Variants in ZNF827 observed in about 807,000 individuals in gnomAD.
The protein encoded by ZNF827 is zinc finger protein 827.
A neutral mutation model predicts 102.4 loss-of-function variants in ZNF827; 13 were observed. The ratio of observed to expected loss-of-function variants is 0.13; its 90% CI spans 0.08 to 0.20. The LOEUF (loss-of-function observed/expected upper bound fraction) is 0.20, where lower values mean the gene tolerates loss of function less well. Ranked by LOEUF, ZNF827 falls within the 10% of genes least tolerant of loss-of-function variation. The pLI is 1.00. For missense variants in ZNF827, 1,103 were observed against 1,344.4 expected (o/e 0.82, Z 2.81); for synonymous variants, 523 against 536.2 (o/e 0.98, Z 0.34).
At position 145,758,054 on chromosome 4, in the gene ZNF827, G is replaced by A. The variant is rs1374065969; in HGVS notation, c.*3562C>T. 1 of 152,022 alleles carries A rather than the reference G, an allele frequency of 6.6e-6. No homozygotes were observed. The highest frequency in any genetic ancestry group is 1.5e-5 in the Non-Finnish European group (1 of 68,000). The allele number at this position is 152,022 out of a possible 1,614,324, so 9.4% of individuals were successfully genotyped here. A position where few individuals can be genotyped will look rare whatever the true frequency, so the allele number is the denominator to read the frequency against. ...ATCAAACTGCAAACCAAATTCAGGG[G>A]TACATATTTTCTAGGGTGGAGTCTG... is the stretch of plus-strand genomic sequence containing the variant. On this transcript the variant is annotated 3_prime_UTR_variant, in exon 15 of 15. Transcript: ENST00000508784.
intron 8 of ZNF827, among the ~76,000 whole-genome samples, chr4:145,817,419 G>A (rs538335488): frequency 6.6e-6 from 1 of 152,270 alleles, no homozygotes; most frequent in African/African-American, 2.4e-5. Context: ...CAGAGACTGG[G>A]TAATTTACGA....
At chr4:145,815,123 T>C (rs1349815948) in intron 8 of ZNF827, among the ~76,000 whole-genome samples, 1 of 152,030 alleles carries the variant, frequency 6.6e-6, no homozygotes, top group Non-Finnish European at 1.5e-5. Flanking sequence ...CTGATTGATG[T>C]TTTTGGAGGA....
intron 5 of ZNF827, among the ~76,000 whole-genome samples, chr4:145,860,351 T>C (rs973384115): frequency 6.6e-6 from 1 of 152,156 alleles, no homozygotes; most frequent in East Asian, 1.9e-4. Flanking sequence ...ATAAACGCCC[T>C]CTACCTCAAA....
chr4:145,766,377 T>C (rs147117673), intron 11 of ZNF827, among the ~76,000 whole-genome samples: 105 of 152,130 alleles, frequency 6.9e-4, no homozygotes, highest in African/African-American at 2.2e-3. Context: ...TCAGACAAAA[T>C]ATACCAAATG....
intron 7 of ZNF827, among the ~76,000 whole-genome samples, chr4:145,841,464 GAA>G (rs1027793303): frequency 2.6e-5 from 4 of 152,146 alleles, no homozygotes; most frequent in Non-Finnish European, 5.9e-5. Context: ...AAAGGAAATA[GAA>G]AAATCAGGAT....
chr4:145,842,613 T>C (rs1745525787), intron 7 of ZNF827, among the ~76,000 whole-genome samples: 1 of 152,218 alleles, frequency 6.6e-6, no homozygotes, highest in South Asian at 2.1e-4. Flanking sequence ...TTCAGTTTTG[T>C]GTCTCTTCTC....
Position 145,817,100 on chromosome 4 carries a change from T to C in ZNF827, c.2383+6322A>G, listed in dbSNP as rs576802348. On this transcript the variant is annotated intron_variant, in intron 8 of 14. Transcript: ENST00000508784. ...ATGAATTTTCACAAAATTACCTATA[T>C]ACATAATGAGTAATCAGATAAAGAA... is the stretch of plus-strand genomic sequence containing the variant. 2.3e-4 allele frequency among the ~76,000 whole-genome samples: 35 copies of C among 152,332 alleles called. No homozygotes were observed. In the South Asian group the frequency reaches 3.3e-3, roughly 14 times the overall value.
chr4:145,857,502 A>T (rs1300802158), intron 5 of ZNF827, among the ~76,000 whole-genome samples: 1 of 152,222 alleles, frequency 6.6e-6, no homozygotes, highest in Non-Finnish European at 1.5e-5. Context: ...ACTCAGTTGG[A>T]TATCTGCAAA....
intron 1 of ZNF827, among the ~76,000 whole-genome samples, chr4:145,913,638 C>T (rs762352788): frequency 6.6e-6 from 1 of 152,048 alleles, no homozygotes; most frequent in African/African-American, 2.4e-5. Context: ...GGTTAGTCCA[C>T]GGATTGATTA....
chr4:145,776,985 A>G (rs1737209383), intron 9 of ZNF827, among the ~76,000 whole-genome samples: 1 of 152,248 alleles, frequency 6.6e-6, no homozygotes, highest in African/African-American at 2.4e-5. Flanking sequence ...GATAAAGGTA[A>G]TAGCAGAAGA....
intron 4 of ZNF827, among the ~76,000 whole-genome samples, chr4:145,885,319 G>A (rs1163710898): frequency 6.6e-6 from 1 of 151,972 alleles, no homozygotes; most frequent in African/African-American, 2.4e-5. Context: ...GTGCAGAAGA[G>A]ACATGTTAAA....
At chr4:145,777,502 C>T (rs1251041874) in intron 9 of ZNF827, among the ~76,000 whole-genome samples, 1 of 152,166 alleles carries the variant, frequency 6.6e-6, no homozygotes. Context: ...GTTCCCTCCC[C>T]ACTTTGGGTC....
rs147983931 is a variant in ZNF827 at position 145,900,763 on chromosome 4, T to C, written c.1093+1403A>G. Reference sequence around the variant, plus strand: ...CTCTCTTTCTACTGCTATCCCTAAATGAAATTTCTATAAGTCAGGAGTGAT... The same window carrying C: ...CTCTCTTTCTACTGCTATCCCTAAACGAAATTTCTATAAGTCAGGAGTGAT... On this transcript the variant is annotated intron_variant, in intron 2 of 14. Transcript: ENST00000508784. 2.3e-3 allele frequency among the ~76,000 whole-genome samples: 357 copies of C among 152,278 alleles called. 2 individuals are homozygous for C. Among genetic ancestry groups the C allele is most frequent in the African/African-American group, 8.3e-3 (345 of 41,560 alleles).
At chr4:145,907,129 G>T (rs1751931984) in intron 1 of ZNF827, 1 of 456,454 alleles carries the variant, frequency 2.2e-6, no homozygotes, top group Non-Finnish European at 4.4e-6. Context: ...TGTGCAGAGG[G>T]TGGGGAAAAA....
intron 8 of ZNF827, among the ~76,000 whole-genome samples, chr4:145,786,157 A>G (rs1199092660): frequency 2.0e-5 from 3 of 152,188 alleles, no homozygotes; most frequent in African/African-American, 7.2e-5. Flanking sequence ...TCAAAAAACA[A>G]CAGGGACAAA....
Position 145,903,026 on chromosome 4 carries a change from C to T in ZNF827, c.233G>A (p.Ser78Asn), listed in dbSNP as rs1457406061. The T allele has an allele frequency of 6.2e-7, 1 of 1,614,064 alleles. No homozygotes were observed. The highest frequency in any genetic ancestry group is 1.3e-5 in the African/African-American group (1 of 74,922). Residue 78 changes from serine (S) to asparagine (N), a missense_variant, in exon 2 of 15, where the codon AGC becomes AAC. This residue lies in a region of ZNF827 where 441 missense variants were observed against 458.6 expected (regional missense o/e 0.96). Transcript: ENST00000508784. ...DTSLGSTTPS[S>N]HTLELVALDS... Reference sequence around the variant, plus strand: ...CAGTGCCACCAGCTCCAACGTGTGGCTGCTGGGAGTCGTGCTTCCCAAGGA... The same window carrying T: ...CAGTGCCACCAGCTCCAACGTGTGGTTGCTGGGAGTCGTGCTTCCCAAGGA...
chr4:145,784,599 T>G (rs1738579069), intron 8 of ZNF827, among the ~76,000 whole-genome samples: 1 of 152,230 alleles, frequency 6.6e-6, no homozygotes, highest in South Asian at 2.1e-4. Flanking sequence ...TTTAGATTAC[T>G]CAGGAATTTC....
At chr4:145,838,853 T>C (rs1404621925) in intron 7 of ZNF827, among the ~76,000 whole-genome samples, 10 of 152,246 alleles carry the variant, frequency 6.6e-5, no homozygotes, top group African/African-American at 2.4e-4. Flanking sequence ...AAGTTACTTT[T>C]AAAAGTTAAA....
rs759700908 is a variant in ZNF827, at chr4:145,775,821, G to A, written c.2661C>T (p.Gly887=). 2 of 1,614,162 alleles carry A rather than the reference G, an allele frequency of 1.2e-6. No individual in the cohort carries two copies. The highest frequency in any genetic ancestry group is 1.7e-5 in the Admixed American group (1 of 60,018). The change falls in exon 10 of 15, where the codon GGC becomes GGT. Residue 887 remains glycine, a synonymous_variant. Transcript: ENST00000508784. ...AATAAGGATGTTTCTTCCCATCACT[G>A]CCTTCAGAGGTGACGGCGCTGACAA... is the stretch of plus-strand genomic sequence containing the variant. The part of the protein sequence containing the change: ...EDIVSAVTSE[G]SDGKKHPYYY...
Sources: gnomAD v4.1 joint callset for allele counts (sites outside exome capture counted in the v4.1 genomes callset) on GRCh38, gnomAD v4.1.1 for gene constraint, gnomAD v4.1.1 regional missense constraint, MANE v1.5 for transcripts, NCBI Gene and HGNC (gene_info 2026-07-23, HGNC 2026-07-21) for gene names.